SHISA9: variants seen among roughly 807,000 people sequenced by gnomAD.
SHISA9 encodes protein shisa-9.
Under a neutral mutation model 38.0 loss-of-function variants are expected in SHISA9, and 13 were observed. The ratio of observed to expected loss-of-function variants is 0.34; its 90% CI spans 0.22 to 0.54. SHISA9 has a LOEUF of 0.54. Ranked by LOEUF, SHISA9 falls within the 20% of genes least tolerant of loss-of-function variation. The pLI is 0.91. For missense variants in SHISA9, 538 were observed against 575.8 expected, an observed-to-expected ratio of 0.93 and a Z score of 0.67; for synonymous variants, 275 against 242.0, an observed-to-expected ratio of 1.14 and a Z score of -1.27.
At chr16:13,503,909 G>A in the SHISA9 span, among the ~76,000 whole-genome samples, 1 of 152,092 alleles carries the variant, frequency 6.6e-6, no homozygotes, top group Non-Finnish European at 1.5e-5. Context: ...AGAATAAACA[G>A]GAAAGGTAAG....
chr16:12,922,860 T>A (rs1322122359), intron 2 of SHISA9, among the ~76,000 whole-genome samples: 1 of 152,174 alleles, frequency 6.6e-6, no homozygotes, highest in African/African-American at 2.4e-5. Flanking sequence ...GGAAGTTGTC[T>A]CACTCATTAT....
the SHISA9 span, among the ~76,000 whole-genome samples, chr16:13,503,345 C>G: frequency 1.3e-5 from 2 of 152,138 alleles, no homozygotes; most frequent in Non-Finnish European, 2.9e-5. Flanking sequence ...TGCTGAGTAA[C>G]AGATCACACC....
At chr16:13,276,149 A>G in the SHISA9 span, among the ~76,000 whole-genome samples, 1 of 151,992 alleles carries the variant, frequency 6.6e-6, no homozygotes, top group African/African-American at 2.4e-5. Context: ...CTTAACTCCC[A>G]CATATCAGTG....
the SHISA9 span, among the ~76,000 whole-genome samples, chr16:13,325,438 A>G: frequency 6.6e-6 from 1 of 152,274 alleles, no homozygotes; most frequent in Admixed American, 6.5e-5. Context: ...CATGGCCTGA[A>G]CTAGTTTTTC....
chr16:13,010,639 A>G (rs548092825), intron 2 of SHISA9, among the ~76,000 whole-genome samples: 1 of 152,332 alleles, frequency 6.6e-6, no homozygotes, highest in South Asian at 2.1e-4. Flanking sequence ...TACACTGAGT[A>G]TCTGGCTTTT....
chr16:13,052,891 G>T (rs2073267970), intron 2 of SHISA9, among the ~76,000 whole-genome samples: 1 of 149,958 alleles, frequency 6.7e-6, no homozygotes, highest in Admixed American at 6.6e-5. Context: ...GAGAATTTAA[G>T]TTAATTACTC....
intron 4 of SHISA9, among the ~76,000 whole-genome samples, chr16:13,229,434 C>T (rs1177505833): frequency 6.6e-6 from 1 of 152,166 alleles, no homozygotes; most frequent in Non-Finnish European, 1.5e-5. Context: ...TGATACTTCC[C>T]TTTAGTTCTC....
chr16:12,939,329 C>A (rs898081229), intron 2 of SHISA9, among the ~76,000 whole-genome samples: 4 of 152,186 alleles, frequency 2.6e-5, no homozygotes, highest in Non-Finnish European at 4.4e-5. Flanking sequence ...GGCAATCCAC[C>A]CATCTTGGCC....
At chr16:13,062,791 A>C (rs1390404497) in intron 2 of SHISA9, among the ~76,000 whole-genome samples, 1 of 152,036 alleles carries the variant, frequency 6.6e-6, no homozygotes, top group Non-Finnish European at 1.5e-5. Context: ...TGATTTTTAA[A>C]ACTGTTGCAT....
chr16:13,402,471 T>C, the SHISA9 span, among the ~76,000 whole-genome samples: 1 of 152,034 alleles, frequency 6.6e-6, no homozygotes, highest in African/African-American at 2.4e-5. Context: ...ACTTGGGCCC[T>C]TCGTGGATTG....
chr16:13,232,212 C>T (rs1004364757), intron 4 of SHISA9, among the ~76,000 whole-genome samples: 24 of 152,008 alleles, frequency 1.6e-4, no homozygotes, highest in Non-Finnish European at 2.5e-4. Context: ...TTCTGGTCCC[C>T]TGAGAGATGA....
the SHISA9 span, among the ~76,000 whole-genome samples, chr16:13,513,949 C>A: frequency 2.0e-5 from 3 of 152,170 alleles, no homozygotes; most frequent in Admixed American, 6.5e-5. Flanking sequence ...ACCTATGTAA[C>A]AAACCTGCAT....
At chr16:12,972,452 TATA>T (rs1362370255) in intron 2 of SHISA9, among the ~76,000 whole-genome samples, 2 of 152,148 alleles carry the variant, frequency 1.3e-5, no homozygotes, top group East Asian at 3.9e-4. Context: ...GAGAGTGATA[TATA>T]ATGAGGTGAG....
chr16:13,269,887 C>T, the SHISA9 span, among the ~76,000 whole-genome samples: 1 of 152,188 alleles, frequency 6.6e-6, no homozygotes, highest in Non-Finnish European at 1.5e-5. Context: ...AATCCATGCT[C>T]TTGCAATCAC....
chr16:13,129,615 C>G (rs1267281985), intron 2 of SHISA9, among the ~76,000 whole-genome samples: 2 of 152,128 alleles, frequency 1.3e-5, no homozygotes, highest in Admixed American at 1.3e-4. Context: ...ATGCATACAC[C>G]CTCTGCTACA....
chr16:13,160,928 C>A (rs1464252713), intron 2 of SHISA9, among the ~76,000 whole-genome samples: 1 of 152,152 alleles, frequency 6.6e-6, no homozygotes, highest in Non-Finnish European at 1.5e-5. Context: ...CAAGTAAATT[C>A]TTAGCCTCAG....
chr16:13,484,020 C>A, the SHISA9 span, among the ~76,000 whole-genome samples: 15 of 152,152 alleles, frequency 9.9e-5, no homozygotes, highest in African/African-American at 3.6e-4. Flanking sequence ...CCTGGGCTCA[C>A]GACTGGTGTC....
intron 2 of SHISA9, among the ~76,000 whole-genome samples, chr16:13,050,491 C>G (rs2073238884): frequency 6.6e-6 from 1 of 152,080 alleles, no homozygotes; most frequent in South Asian, 2.1e-4. Flanking sequence ...ACCACCACAC[C>G]TGGCTAATTT....
chr16:13,289,886 T>C, the SHISA9 span, among the ~76,000 whole-genome samples: 3 of 152,212 alleles, frequency 2.0e-5, no homozygotes, highest in Non-Finnish European at 4.4e-5. Flanking sequence ...TTATACTTTC[T>C]AATAATATTT....
Sources: gnomAD v4.1 joint callset for allele counts (sites outside exome capture counted in the v4.1 genomes callset) on GRCh38, gnomAD v4.1.1 for gene constraint, MANE v1.5 for transcripts, NCBI Gene and HGNC (gene_info 2026-07-23, HGNC 2026-07-21) for gene names.